The following DNAJC15 variants were observed in gnomAD, a reference collection of about 807,000 sequenced individuals.
DNAJC15 encodes the protein DnaJ heat shock protein family (Hsp40) member C15.
DNAJC15 carries 27 observed loss-of-function variants against 22.4 expected under a neutral mutation model. The ratio of observed to expected loss-of-function variants is 1.20; its 90% CI spans 0.89 to 1.66. DNAJC15 has a LOEUF of 1.66. Ranked by LOEUF, DNAJC15 falls within the 40% of genes most tolerant of loss-of-function variation. The pLI is 0.00. For missense variants in DNAJC15, 208 were observed against 187.1 expected, an observed-to-expected ratio of 1.11 and a Z score of -0.65; for synonymous variants, 79 against 63.2, an observed-to-expected ratio of 1.25 and a Z score of -1.19.
intron 5 of DNAJC15, among the ~76,000 whole-genome samples, chr13:43,095,388 C>T (rs151100463): frequency 6.6e-6 from 1 of 152,100 alleles, no homozygotes; most frequent in African/African-American, 2.4e-5. Flanking sequence ...TGATTGTAAA[C>T]AGGTTTAGGA....
At position 43,111,928 on chromosome 13, in the gene DNAJC15, A is replaced by G. The variant is rs1373085474; in HGVS notation, c.*4680A>G. On this transcript the variant is annotated 3_prime_UTR_variant, in exon 6 of 6. Coordinates refer to ENST00000379221, the MANE Select transcript of DNAJC15 (RefSeq NM_013238.3). Reference sequence around the variant, plus strand: ...TCAAAATTTTATTTATGGTGGCATTACACACATTAAGAGATGAGGACTTCT... The same window carrying G: ...TCAAAATTTTATTTATGGTGGCATTGCACACATTAAGAGATGAGGACTTCT... 6.6e-6 allele frequency: 1 copy of G among 152,244 alleles called. No individual in the cohort carries two copies. The highest frequency in any genetic ancestry group is 1.5e-5 in the Non-Finnish European group (1 of 68,040). 9.4% of individuals were successfully genotyped at this position (152,244 alleles called of 1,614,324 possible).
At position 43,107,863 on chromosome 13, in the gene DNAJC15, A is replaced by C. The variant is rs1474533824; in HGVS notation, c.*615A>C. 1.3e-5 allele frequency: 2 copies of C among 152,246 alleles called. No homozygotes were observed. Among genetic ancestry groups the C allele is most frequent in the Non-Finnish European group, 2.9e-5 (2 of 68,028 alleles). The allele number at this position is 152,246 out of a possible 1,614,324, so 9.4% of individuals were successfully genotyped here. A position where few individuals can be genotyped will look rare whatever the true frequency, so the allele number is the denominator to read the frequency against. ...ACTTGGAGAGCTACTAAAATGATTC[A>C]GGTTTACAAAATGAGCCCTGTGAGG... On this transcript the variant is annotated 3_prime_UTR_variant, in exon 6 of 6. Transcript: ENST00000379221.
intron 1 of DNAJC15, among the ~76,000 whole-genome samples, chr13:43,050,347 C>T (rs1441322704): frequency 6.6e-6 from 1 of 152,000 alleles, no homozygotes; most frequent in African/African-American, 2.4e-5. Flanking sequence ...CACTCTGTCA[C>T]CAAGCTGAAG....
intron 2 of DNAJC15, 75 bp from the exon 3 acceptor site, chr13:43,068,855 T>A (rs2040595126): frequency 8.2e-7 from 1 of 1,226,740 alleles, no homozygotes; most frequent in Non-Finnish European, 1.2e-6. Context: ...ATAAATACTG[T>A]TGCAAGCACT....
chr13:43,027,410 C>T (rs1259942507), intron 1 of DNAJC15, among the ~76,000 whole-genome samples: 1 of 152,106 alleles, frequency 6.6e-6, no homozygotes, highest in Non-Finnish European at 1.5e-5. Context: ...CCCACCCCCA[C>T]AACTCTTGTT....
At chr13:43,033,574 CTGTGA>C (rs2040413633) in intron 1 of DNAJC15, among the ~76,000 whole-genome samples, 3 of 152,292 alleles carry the variant, frequency 2.0e-5, no homozygotes, top group South Asian at 4.1e-4. Context: ...CTGCTTGTGG[CTGTGA>C]CAGTTTTTCA....
At chr13:43,075,705 C>T (rs1022285857) in intron 3 of DNAJC15, among the ~76,000 whole-genome samples, 7 of 152,144 alleles carry the variant, frequency 4.6e-5, no homozygotes, top group Non-Finnish European at 7.4e-5. Context: ...CTCCATTGCC[C>T]AGGCTGGAGT....
intron 3 of DNAJC15, among the ~76,000 whole-genome samples, chr13:43,077,438 T>A (rs992157451): frequency 3.9e-5 from 6 of 152,174 alleles, no homozygotes; most frequent in Non-Finnish European, 7.3e-5. Flanking sequence ...CACAATAACC[T>A]CTAAGCAAGG....
intron 5 of DNAJC15, among the ~76,000 whole-genome samples, chr13:43,098,858 G>A (rs2040753741): frequency 6.6e-6 from 1 of 152,024 alleles, no homozygotes; most frequent in South Asian, 2.1e-4. Context: ...TTGTAGAATT[G>A]TTTTGGCTAT....
intron 1 of DNAJC15, 30 bp from the exon 2 acceptor site, chr13:43,065,656 C>G: frequency 1.3e-6 from 2 of 1,579,228 alleles, no homozygotes; most frequent in South Asian, 1.1e-5. Context: ...CATGTTACAT[C>G]ATAAGTAATA....
intron 1 of DNAJC15, among the ~76,000 whole-genome samples, chr13:43,060,506 C>T (rs527342093): frequency 9.9e-5 from 15 of 152,148 alleles, no homozygotes; most frequent in Admixed American, 3.3e-4. Flanking sequence ...GCTTGGTTGG[C>T]GAGTTTTTGG....
chr13:43,023,817 C>T, intron 1 of DNAJC15, 83 bp downstream of exon 1: 1 of 1,249,154 alleles, frequency 8.0e-7, no homozygotes, highest in South Asian at 1.3e-5. Context: ...CACCCTTGAA[C>T]CTTTGTACTC....
intron 1 of DNAJC15, among the ~76,000 whole-genome samples, chr13:43,048,780 C>A (rs1466636480): frequency 1.3e-5 from 2 of 152,132 alleles, no homozygotes; most frequent in Non-Finnish European, 2.9e-5. Context: ...GAAAGATCAG[C>A]TTGTTCTATA....
At chr13:43,024,100 A>G (rs1397004505) in intron 1 of DNAJC15, among the ~76,000 whole-genome samples, 5 of 152,192 alleles carry the variant, frequency 3.3e-5, no homozygotes, top group Admixed American at 2.0e-4. Context: ...TTCTTGGAGA[A>G]AGCTGTAGTT....
chr13:43,039,055 G>C (rs2040441638), intron 1 of DNAJC15, among the ~76,000 whole-genome samples: 1 of 152,118 alleles, frequency 6.6e-6, no homozygotes, highest in South Asian at 2.1e-4. Flanking sequence ...AAAAAATCTT[G>C]AGTAATTTTT....
chr13:43,044,131 T>A lies in DNAJC15; in HGVS notation c.108+20397T>A, dbSNP rs76781414. Among the ~76,000 whole-genome samples the A allele has an allele frequency of 8.7e-3, 1,319 of 152,300 alleles. 46 individuals are homozygous for A. The highest frequency in any genetic ancestry group is 0.055 in the East Asian group (287 of 5,184). On this transcript the variant is annotated intron_variant, in intron 1 of 5. Coordinates refer to ENST00000379221, the MANE Select transcript of DNAJC15 (RefSeq NM_013238.3). ...CCAGCAGTCTTTCTTGTTTCCTCTCTTTTTTTCTCCTTTCCACTTGCTGTT... is the reference window on the plus strand; with the variant it reads ...CCAGCAGTCTTTCTTGTTTCCTCTCATTTTTTCTCCTTTCCACTTGCTGTT...
rs979380959 is a variant in DNAJC15, at chr13:43,112,131, G to A, written c.*4883G>A. 1 of 152,148 alleles carries A rather than the reference G, an allele frequency of 6.6e-6. No homozygotes were observed. The highest frequency in any genetic ancestry group is 1.5e-5 in the Non-Finnish European group (1 of 68,016). The allele number at this position is 152,148 out of a possible 1,614,324, so 9.4% of individuals were successfully genotyped here. ...GAGTAGCTATTGTTCCCAGCTGAGT[G>A]CTCTTTTCCTCTTTTTATTGTTGCT... On this transcript the variant is annotated 3_prime_UTR_variant, in exon 6 of 6. Coordinates refer to ENST00000379221, the MANE Select transcript of DNAJC15 (RefSeq NM_013238.3).
chr13:43,068,871 G>A, intron 2 of DNAJC15, 59 bp from the exon 3 acceptor site: 3 of 1,395,840 alleles, frequency 2.1e-6, no homozygotes, highest in Non-Finnish European at 3.0e-6. Flanking sequence ...GCACTTTGAA[G>A]GTGTTGATTG....
At chr13:43,047,139 C>T (rs1355578668) in intron 1 of DNAJC15, among the ~76,000 whole-genome samples, 3 of 152,110 alleles carry the variant, frequency 2.0e-5, no homozygotes, top group African/African-American at 7.2e-5. Context: ...ACCAAAGACC[C>T]GCCCGTAACA....
Sources: allele counts gnomAD v4.1 joint callset (sites outside exome capture counted in the v4.1 genomes callset), GRCh38; gene constraint gnomAD v4.1.1; transcripts MANE v1.5; gene names NCBI Gene and HGNC (gene_info 2026-07-23, HGNC 2026-07-21).